Variants in SCG3 observed in about 807,000 individuals in gnomAD.
The protein encoded by SCG3 is secretogranin-3.
SCG3 carries 38 observed loss-of-function variants against 56.2 expected under a neutral mutation model. The observed-to-expected ratio is 0.68, with a 90% CI of 0.52 to 0.89. The LOEUF (loss-of-function observed/expected upper bound fraction) is 0.89. SCG3 is among the 40% of genes least tolerant of loss of function. The pLI is 0.00. For synonymous variants in SCG3, 176 were observed against 184.2 expected, an observed-to-expected ratio of 0.96 and a Z score of 0.36; for missense variants, 524 against 540.7, an observed-to-expected ratio of 0.97 and a Z score of 0.31.
chr15:51,717,260 C>CA (rs1452316479), intron 11 of SCG3, among the ~76,000 whole-genome samples: 15 of 151,778 alleles, frequency 9.9e-5, no homozygotes, highest in South Asian at 4.2e-4. Flanking sequence ...CCCAGCTGCT[C>CA]AGGAGGCTGA....
intron 7 of SCG3, among the ~76,000 whole-genome samples, chr15:51,695,148 T>C (rs1019683121): frequency 1.3e-5 from 2 of 152,316 alleles, no homozygotes; most frequent in Non-Finnish European, 2.9e-5. Context: ...TTTTCAGCAG[T>C]TGGAATATTT....
At chr15:51,697,282 A>T (rs1356441270) in intron 8 of SCG3, among the ~76,000 whole-genome samples, 2 of 143,118 alleles carry the variant, frequency 1.4e-5, no homozygotes, top group East Asian at 3.9e-4. Flanking sequence ...CATATCAATA[A>T]CTTTCATATC....
intron 6 of SCG3, among the ~76,000 whole-genome samples, chr15:51,689,629 A>T (rs1224135639): frequency 6.6e-6 from 1 of 151,952 alleles, no homozygotes; most frequent in Non-Finnish European, 1.5e-5. Flanking sequence ...CATCTCTACA[A>T]ATAAAAATAA....
intron 6 of SCG3, among the ~76,000 whole-genome samples, chr15:51,691,565 GGAA>G (rs2055267095): frequency 6.6e-6 from 1 of 152,116 alleles, no homozygotes; most frequent in Non-Finnish European, 1.5e-5. Context: ...TGGGGGAAAA[GGAA>G]GAAGAGGCAA....
intron 1 of SCG3, among the ~76,000 whole-genome samples, chr15:51,682,109 G>C (rs555370928): frequency 6.6e-6 from 1 of 152,188 alleles, no homozygotes; most frequent in Admixed American, 6.5e-5. Context: ...GGCTTGGATT[G>C]TTTTCTAGTT....
At chr15:51,709,887 A>ATTTTTTTTTTT (rs67775073) in intron 10 of SCG3, among the ~76,000 whole-genome samples, 42 of 84,810 alleles carry the variant, frequency 5.0e-4, no homozygotes, top group East Asian at 1.4e-3. Flanking sequence ...CGCCCGGCTA[A>ATTTTTTTTTTT]TTTTTTTTTT....
At chr15:51,708,296 T>C (rs1288483592) in intron 10 of SCG3, 1 of 152,248 alleles carries the variant, frequency 6.6e-6, no homozygotes, top group Non-Finnish European at 1.5e-5. Context: ...AAAGTCAATA[T>C]GAGCCAGCTG....
rs1595835462 is a variant in SCG3, at chr15:51,701,237, A to G, written c.1200A>G (p.Glu400=). 3 of 1,595,290 alleles carry G rather than the reference A, an allele frequency of 1.9e-6. No individual in the cohort carries two copies. The African/African-American group carries it at 4.1e-5, about 22-fold the overall frequency. The change falls in exon 10 of 12, where the codon GAA becomes GAG. Residue 400 remains glutamate, a synonymous_variant. Coordinates refer to ENST00000220478, the MANE Select transcript of SCG3 (RefSeq NM_013243.4). Reference sequence around the variant, plus strand: ...CCAACCCAGGAGGAAAGACAGATGAACCCAAAGGTATGGGATTGACAGCTC... The same window carrying G: ...CCAACCCAGGAGGAAAGACAGATGAGCCCAAAGGTATGGGATTGACAGCTC... ...DNSNPGGKTD[E]PKGKTEAYLE...
At chr15:51,718,464 T>C (rs2055473713) in intron 11 of SCG3, among the ~76,000 whole-genome samples, 2 of 152,190 alleles carry the variant, frequency 1.3e-5, no homozygotes, top group Non-Finnish European at 2.9e-5. Context: ...AGCTTAAGGA[T>C]ACCCAAGTGA....
intron 11 of SCG3, among the ~76,000 whole-genome samples, chr15:51,717,680 A>C (rs1465022296): frequency 6.6e-6 from 1 of 152,224 alleles, no homozygotes; most frequent in African/African-American, 2.4e-5. Flanking sequence ...GAAGTGCAGG[A>C]GCTTCCATCC....
At position 51,683,120 on chromosome 15, in the gene SCG3, T is replaced by C. The variant is rs1391691682; in HGVS notation, c.177T>C (p.Pro59=). The change falls in exon 3 of 12, where the codon CCT becomes CCC. Residue 59 remains proline (P), a synonymous_variant. Transcript: ENST00000220478. The part of the protein sequence containing the change: ...AEEDKIKKTY[P]PENKPGQSNY... The stretch of plus-strand genomic sequence containing the variant: ...AAGACAAGATTAAAAAAACATATCC[T>C]CCAGGTAAAAAGAAATCATATTGAT... 6 of 1,609,004 alleles carry C rather than the reference T, an allele frequency of 3.7e-6. No homozygotes were observed.
intron 11 of SCG3, among the ~76,000 whole-genome samples, chr15:51,717,907 A>G (rs112167342): frequency 1.0e-3 from 159 of 152,336 alleles, no homozygotes; most frequent in Admixed American, 3.2e-3. Flanking sequence ...ATCTCTGCAG[A>G]TTCTTCTTGG....
rs141273749 is a variant in SCG3 at position 51,699,149 on chromosome 15, G to A, written c.986-170G>A. Reference sequence around the variant, plus strand: ...CTCAAACTATATGTCTTTCCATCCTGAGAGTCTATGATTCTTAGAAATAAA... The same window carrying A: ...CTCAAACTATATGTCTTTCCATCCTAAGAGTCTATGATTCTTAGAAATAAA... On this transcript the variant is annotated intron_variant, in intron 8 of 11. Transcript: ENST00000220478. 1.8e-3 allele frequency among the ~76,000 whole-genome samples: 278 copies of A among 152,300 alleles called. 1 individual carries two copies. The highest frequency in any genetic ancestry group is 6.6e-3 in the African/African-American group (275 of 41,540).
Position 51,681,810 on chromosome 15 carries a change from G to T in SCG3, c.55G>T (p.Ala19Ser). The T allele has an allele frequency of 6.2e-7, 1 of 1,614,126 alleles. No individual in the cohort carries two copies. Among genetic ancestry groups the T allele is most frequent in the South Asian group, 1.1e-5 (1 of 91,056 alleles). Residue 19 changes from alanine to serine, a missense_variant, in exon 1 of 12, where the codon GCT (alanine) becomes TCT (serine). Transcript: ENST00000220478. ...WILVLVLPIQ[A>S]FPKPGGSQDK... ...TCTGGTGTTAGTGCTCCCGATTCAAGCTTTCCCCAAACCTGGAGGAAGCCA... is the reference window on the plus strand; with the variant it reads ...TCTGGTGTTAGTGCTCCCGATTCAATCTTTCCCCAAACCTGGAGGAAGCCA...
Position 51,682,541 on chromosome 15 carries a change from T to C in SCG3, c.107T>C (p.Leu36Ser), listed in dbSNP as rs1477763683. ...GACAAATCTCTACATAATAGAGAAT[T>C]AAGTGCAGAAAGACCTTTGAATGAA... ...SQDKSLHNRE[L>S]SAERPLNEQI... Residue 36 changes from leucine (L) to serine (S), a missense_variant, in exon 2 of 12, where the codon TTA becomes TCA. Coordinates refer to ENST00000220478, the MANE Select transcript of SCG3 (RefSeq NM_013243.4). 2.1e-6 allele frequency: 3 copies of C among 1,452,438 alleles called. No individual in the cohort carries two copies. Among genetic ancestry groups the C allele is most frequent in the East Asian group, 5.3e-5 (2 of 38,090 alleles). 90.0% of individuals were successfully genotyped at this position (1,452,438 alleles called of 1,614,324 possible).
chr15:51,684,918 A>G (rs1364130595), intron 4 of SCG3, among the ~76,000 whole-genome samples: 2 of 152,254 alleles, frequency 1.3e-5, no homozygotes, highest in Non-Finnish European at 2.9e-5. Flanking sequence ...GAACTGCCAT[A>G]CCTAGGCATT....
chr15:51,687,880 C>A (rs1014350671), intron 4 of SCG3, among the ~76,000 whole-genome samples: 2 of 152,046 alleles, frequency 1.3e-5, no homozygotes, highest in African/African-American at 4.8e-5. Context: ...ACTGGAATAT[C>A]AAATCATACA....
At chr15:51,705,522 C>CTTT (rs766515836) in intron 10 of SCG3, among the ~76,000 whole-genome samples, 1 of 142,868 alleles carries the variant, frequency 7.0e-6, no homozygotes, top group Non-Finnish European at 1.5e-5. Context: ...TAGTGTTATT[C>CTTT]TTTTTTTTTT....
Position 51,695,856 on chromosome 15 carries a change from A to G in SCG3, c.869-19A>G. 1 of 1,338,402 alleles carries G rather than the reference A, an allele frequency of 7.5e-7. No homozygotes were observed. The highest frequency in any genetic ancestry group is 1.1e-6 in the Non-Finnish European group (1 of 934,072). 82.9% of individuals were successfully genotyped at this position (1,338,402 alleles called of 1,614,324 possible). A position where few individuals can be genotyped will look rare whatever the true frequency, so the allele number is the denominator to read the frequency against. ...AAGCTATCCCCCACAGTTTTAAGTTATTTTGTTCTTTCATATAGAAAAAGA... is the reference window on the plus strand; with the variant it reads ...AAGCTATCCCCCACAGTTTTAAGTTGTTTTGTTCTTTCATATAGAAAAAGA... On this transcript the variant is annotated intron_variant, in intron 7 of 11. Coordinates refer to ENST00000220478, the MANE Select transcript of SCG3 (RefSeq NM_013243.4).
Sources: gnomAD v4.1 joint callset for allele counts (sites outside exome capture counted in the v4.1 genomes callset) on GRCh38, gnomAD v4.1.1 for gene constraint, MANE v1.5 for transcripts, NCBI Gene and HGNC (gene_info 2026-07-23, HGNC 2026-07-21) for gene names.